Variants in MLX observed in about 807,000 individuals in gnomAD.
The protein encoded by MLX is max-like protein X.
Under a neutral mutation model 33.0 loss-of-function variants are expected in MLX, and 15 were observed. That is an observed-to-expected ratio of 0.45 (90% CI 0.30 to 0.70). The LOEUF (loss-of-function observed/expected upper bound fraction) is 0.70, where lower values mean the gene tolerates loss of function less well. MLX is among the 30% of genes least tolerant of loss of function. MLX has a pLI of 0.07. For synonymous variants in MLX, 115 were observed against 115.6 expected, an observed-to-expected ratio of 0.99 and a Z score of 0.03; for missense variants, 285 against 306.3, an observed-to-expected ratio of 0.93 and a Z score of 0.52.
chr17:42,571,498 C>A (rs1488345307), intron 7 of MLX, 49 bp from the exon 8 acceptor site: 1 of 1,593,018 alleles, frequency 6.3e-7, no homozygotes. Context: ...GGAAACTACT[C>A]TGCGTTGACT....
intron 5 of MLX, 50 bp downstream of exon 5, chr17:42,569,353 A>G: frequency 6.3e-7 from 1 of 1,576,844 alleles, no homozygotes; most frequent in Non-Finnish European, 8.7e-7. Flanking sequence ...GGGGCTGTGA[A>G]GAGGCCAGTG....
intron 7 of MLX, 92 bp from the exon 8 acceptor site, chr17:42,571,455 C>G: frequency 7.1e-7 from 1 of 1,408,234 alleles, no homozygotes; most frequent in Non-Finnish European, 1.0e-6. Context: ...AAGCACTTTT[C>G]TAAAGTACAT....
At chr17:42,570,272 C>T (rs2093025341) in intron 7 of MLX, 89 bp downstream of exon 7, 1 of 1,331,628 alleles carries the variant, frequency 7.5e-7, no homozygotes, top group African/African-American at 1.5e-5. Flanking sequence ...AAAAGCGTGG[C>T]AGCTGCTTTT....
In MLX at chr17:42,573,118, T is replaced by G. The variant is rs374511642; in HGVS notation, c.*1515T>G. The G allele has an allele frequency of 9.9e-6, 16 of 1,614,102 alleles. No individual in the cohort carries two copies. Among genetic ancestry groups the G allele is most frequent in the Non-Finnish European group, 1.4e-5 (16 of 1,180,040 alleles). On this transcript the variant is annotated 3_prime_UTR_variant, in exon 8 of 8. Coordinates refer to ENST00000435881, the MANE Select transcript of MLX (RefSeq NM_198204.2). ...AGAGCTCCACTTACAAAGAACTGCT[T>G]CTTGCTCTTGGGGTATCCTTCAAGT...
Position 42,571,664 on chromosome 17 carries a change from T to C in MLX, c.*61T>C. The C allele has an allele frequency of 6.6e-7, 1 of 1,508,610 alleles. No individual in the cohort carries two copies. The highest frequency in any genetic ancestry group is 9.2e-7 in the Non-Finnish European group (1 of 1,083,872). The allele number at this position is 1,508,610 out of a possible 1,614,324, so 93.5% of individuals were successfully genotyped here. A position where few individuals can be genotyped will look rare whatever the true frequency, so the allele number is the denominator to read the frequency against. On this transcript the variant is annotated 3_prime_UTR_variant, in exon 8 of 8. Transcript: ENST00000435881. ...GGCCCTTGAATCTCTACGTGGCCAC[T>C]GAACTGCTGGGCCCGGGAGACTGGA...
intron 7 of MLX, among the ~76,000 whole-genome samples, chr17:42,571,124 G>C (rs940392915): frequency 6.7e-6 from 1 of 148,670 alleles, no homozygotes. Context: ...GCAGACATCA[G>C]TACTTCCTGG....
In MLX at chr17:42,567,175, C is replaced by G; in HGVS notation, c.42+9C>G. On this transcript the variant is annotated intron_variant, in intron 1 of 7. Coordinates refer to ENST00000435881, the MANE Select transcript of MLX (RefSeq NM_198204.2). ...AGGACCCTTGGGTCAAGGCAAGCCC[C>G]GTGGGCGCGCACGCCGGCGAGGGGA... The G allele has an allele frequency of 2.3e-6, 3 of 1,295,578 alleles. No individual in the cohort carries two copies. The highest frequency in any genetic ancestry group is 2.9e-6 in the Non-Finnish European group (3 of 1,020,788). The allele number at this position is 1,295,578 out of a possible 1,614,324, so 80.3% of individuals were successfully genotyped here.
intron 2 of MLX, chr17:42,568,251 T>C (rs963725152): frequency 3.8e-6 from 1 of 260,198 alleles, no homozygotes; most frequent in East Asian, 9.2e-5. Flanking sequence ...TAGTCCCAGC[T>C]ACTCGGGAGG....
chr17:42,567,862 A>C, intron 2 of MLX: 1 of 630,758 alleles, frequency 1.6e-6, no homozygotes, highest in Non-Finnish European at 2.8e-6. Flanking sequence ...GAAGTGGTGG[A>C]ACTGATCACT....
intron 3 of MLX, 136 bp from the exon 4 acceptor site, chr17:42,568,701 C>A: frequency 9.3e-7 from 1 of 1,073,574 alleles, no homozygotes; most frequent in South Asian, 1.3e-5. Flanking sequence ...CATCTTTCAC[C>A]TCATCTGGAA....
rs748070321 is a variant in MLX, at chr17:42,573,005, G to A, written c.*1402G>A. The A allele has an allele frequency of 7.3e-5, 118 of 1,614,198 alleles. No individual in the cohort carries two copies. In the Middle Eastern group the frequency reaches 3.6e-3, roughly 50 times the overall value. Reference sequence around the variant, plus strand: ...GAGTGTGACGTTGTAATCTTCATCCGTCTCTATCCCAACTTCCTCCTGTGA... The same window carrying A: ...GAGTGTGACGTTGTAATCTTCATCCATCTCTATCCCAACTTCCTCCTGTGA... On this transcript the variant is annotated 3_prime_UTR_variant, in exon 8 of 8. Transcript: ENST00000435881.
chr17:42,571,390 G>A (rs1364766839), intron 7 of MLX, among the ~76,000 whole-genome samples, 157 bp from the exon 8 acceptor site: 1 of 152,144 alleles, frequency 6.6e-6, no homozygotes, highest in Non-Finnish European at 1.5e-5. Context: ...GCCTCCCGAA[G>A]TGCTGGGATT....
At chr17:42,568,647 C>A in intron 3 of MLX, 88 bp downstream of exon 3, 1 of 1,330,730 alleles carries the variant, frequency 7.5e-7, no homozygotes, top group Non-Finnish European at 1.1e-6. Context: ...CCCAGCCATC[C>A]ACACAGGGGT....
rs1454340374 is a variant in MLX, at chr17:42,569,025, A to G, written c.276+82A>G. 53 of 1,420,548 alleles carry G rather than the reference A, an allele frequency of 3.7e-5. 1 individual carries two copies. The highest frequency in any genetic ancestry group is 5.2e-5 in the Non-Finnish European group (53 of 1,020,102). 88.0% of individuals were successfully genotyped at this position (1,420,548 alleles called of 1,614,324 possible). On this transcript the variant is annotated intron_variant, in intron 4 of 7. Coordinates refer to ENST00000435881, the MANE Select transcript of MLX (RefSeq NM_198204.2). ...TCCCTGTGCCCTGACCCACTCAGAC[A>G]GTCCCAGGCACCCTAGGGGGTGGGC...
chr17:42,573,065 T>TAA lies in MLX; in HGVS notation c.*1463_*1464dup. The TAA allele has an allele frequency of 1.2e-6, 2 of 1,614,124 alleles. No homozygotes were observed. The highest frequency in any genetic ancestry group is 1.7e-6 in the Non-Finnish European group (2 of 1,179,960). On this transcript the variant is annotated 3_prime_UTR_variant, in exon 8 of 8. Coordinates refer to ENST00000435881, the MANE Select transcript of MLX (RefSeq NM_198204.2). ...ACAAGTGAATGAGATGTCACCAGGA[T>TAA]AAGACCACAGGGAAGCAAAGAAGGA... is the stretch of plus-strand genomic sequence containing the variant.
In MLX at chr17:42,571,688, G is replaced by C; in HGVS notation, c.*85G>C. 2.4e-6 allele frequency: 3 copies of C among 1,266,306 alleles called. No individual in the cohort carries two copies. The South Asian group carries it at 3.6e-5, about 15-fold the overall frequency. 78.4% of individuals were successfully genotyped at this position (1,266,306 alleles called of 1,614,324 possible). A position where few individuals can be genotyped will look rare whatever the true frequency, so the allele number is the denominator to read the frequency against. On this transcript the variant is annotated 3_prime_UTR_variant, in exon 8 of 8. Coordinates refer to ENST00000435881, the MANE Select transcript of MLX (RefSeq NM_198204.2). ...CTGAACTGCTGGGCCCGGGAGACTGGACTACAACACCTCACACTGGTCAGC... is the reference window on the plus strand; with the variant it reads ...CTGAACTGCTGGGCCCGGGAGACTGCACTACAACACCTCACACTGGTCAGC...
intron 7 of MLX, 135 bp downstream of exon 7, chr17:42,570,318 T>G (rs1428593198): frequency 5.3e-6 from 4 of 759,738 alleles, no homozygotes; most frequent in Non-Finnish European, 8.6e-6. Context: ...TTGAGGGCCC[T>G]GGTATTTTCC....
chr17:42,569,621 G>C lies in MLX; in HGVS notation c.476+15G>C, dbSNP rs769454398. 10 of 1,601,050 alleles carry C rather than the reference G, an allele frequency of 6.2e-6. No individual in the cohort carries two copies. The East Asian group carries it at 2.0e-4, about 32-fold the overall frequency. ...ATCATGAAAGTGTAAGAGGGGTGCT[G>C]AATGGGGGGAACCAGAACTTCTGAG... On this transcript the variant is annotated intron_variant, in intron 6 of 7. Coordinates refer to ENST00000435881, the MANE Select transcript of MLX (RefSeq NM_198204.2).
chr17:42,568,041 T>A (rs1453013361), intron 2 of MLX: 1 of 274,316 alleles, frequency 3.6e-6, no homozygotes, highest in Non-Finnish European at 7.0e-6. Flanking sequence ...TGGCTTTGGG[T>A]TGAAGGGAAG....
Sources: allele counts gnomAD v4.1 joint callset (sites outside exome capture counted in the v4.1 genomes callset), GRCh38; gene constraint gnomAD v4.1.1; transcripts MANE v1.5; gene names NCBI Gene and HGNC (gene_info 2026-07-23, HGNC 2026-07-21).